The following CDAN1 variants were observed in gnomAD, a reference collection of about 807,000 sequenced individuals.
CDAN1 encodes codanin-1.
In CDAN1, 107 loss-of-function variants were observed where a neutral mutation model predicts 139.8. The observed-to-expected ratio is 0.77, with a 90% confidence interval of 0.65 to 0.90. CDAN1 has a LOEUF of 0.90. Among genes scored for constraint, CDAN1 ranks in the 40% least tolerant of loss-of-function variants. The pLI is 0.00. For synonymous variants in CDAN1, 776 were observed against 660.6 expected, an observed-to-expected ratio of 1.17 and a Z score of -2.68; for missense variants, 1,667 against 1,575.7, an observed-to-expected ratio of 1.06 and a Z score of -0.98.
chr15:42,725,419 A>ATAGT, intron 26 of CDAN1, 70 bp downstream of exon 26: 1 of 1,585,340 alleles, frequency 6.3e-7, no homozygotes, highest in Non-Finnish European at 8.7e-7. Context: ...AGAGCAGCTC[A>ATAGT]TAGTTTGGGG....
chr15:42,734,332 AG>A lies in CDAN1; in HGVS notation c.1150del (p.Leu384TrpfsTer6). 1 of 1,614,140 alleles carries A rather than the reference AG, an allele frequency of 6.2e-7. No individual in the cohort carries two copies. The highest frequency in any genetic ancestry group is 8.5e-7 in the Non-Finnish European group (1 of 1,180,024). ...LECHFQVLSN[L>X]DKGTLKLLAE... Reference sequence around the variant, plus strand: ...CAGCAGCTTCAAGGTCCCTTTGTCCAGGTTGGAAAGAACCCTGCAGGGACAA... The same window carrying A: ...CAGCAGCTTCAAGGTCCCTTTGTCCAGTTGGAAAGAACCCTGCAGGGACAA... On this transcript the variant is annotated frameshift_variant, in exon 7 of 28. Transcript: ENST00000356231. LOFTEE classifies it high-confidence loss of function.
intron 27 of CDAN1, 184 bp downstream of exon 27, chr15:42,724,960 G>C: frequency 7.5e-6 from 5 of 668,748 alleles, no homozygotes; most frequent in South Asian, 1.7e-5. Context: ...CCTGCCTTTC[G>C]TCCGTCTTCC....
In CDAN1 at chr15:42,726,409, G is replaced by T. The variant is rs371822328; in HGVS notation, c.3105C>A (p.Leu1035=). The change falls in exon 24 of 28, where the codon CTC becomes CTA. Residue 1035 remains leucine, a synonymous_variant. Coordinates refer to ENST00000356231, the MANE Select transcript of CDAN1 (RefSeq NM_138477.4). ...SHLISEIKDV[L]SLAVGPRDPD... ...GGTCCCGTGGCCCCACGGCCAAGGA[G>T]AGCACGTCCTGTGAAGAGCAGGGGG... The T allele has an allele frequency of 2.8e-4, 444 of 1,593,098 alleles. No individual in the cohort carries two copies. Among genetic ancestry groups the T allele is most frequent in the Non-Finnish European group, 3.7e-4 (429 of 1,169,916 alleles).
chr15:42,736,369 C>A lies in CDAN1; in HGVS notation c.502G>T (p.Asp168Tyr). 6.2e-7 allele frequency: 1 copy of A among 1,613,802 alleles called. No individual in the cohort carries two copies. Among genetic ancestry groups the A allele is most frequent in the Non-Finnish European group, 8.5e-7 (1 of 1,179,988 alleles). Residue 168 changes from aspartate (D) to tyrosine (Y), a missense_variant, in exon 2 of 28, where the codon GAT becomes TAT. Around this residue, in one of 3 missense-constraint regions of CDAN1, gnomAD observed 487 missense variants for 422.2 expected, o/e 1.15. Transcript: ENST00000356231. ...TCCAGGTTGCTGAGGTTTGGCGGAT[C>A]AGACAGCGTGAGGCTGGGGCGGCTG... ...SPSRPSLTLS[D>Y]PPNLSNLEEF... is the part of the protein sequence containing the mutation.
Position 42,731,063 on chromosome 15 carries a change from C to A in CDAN1, c.1869G>T (p.Arg623=). The change falls in exon 13 of 28, where the codon CGG becomes CGT. Residue 623 remains arginine, a synonymous_variant. Coordinates refer to ENST00000356231, the MANE Select transcript of CDAN1 (RefSeq NM_138477.4). ...TAAGAAGCACCACAGCAAATTGCTTCCGCTCACCCTGCATGGAATCAAGGG... is the reference window on the plus strand; with the variant it reads ...TAAGAAGCACCACAGCAAATTGCTTACGCTCACCCTGCATGGAATCAAGGG... ...GESDVDWQGE[R]KQFAVVLLSL... 3 of 1,614,228 alleles carry A rather than the reference C, an allele frequency of 1.9e-6. No individual in the cohort carries two copies. Among genetic ancestry groups the A allele is most frequent in the Non-Finnish European group, 2.5e-6 (3 of 1,180,050 alleles).
intron 13 of CDAN1, 50 bp from the exon 14 acceptor site, chr15:42,730,814 G>C: frequency 6.2e-7 from 1 of 1,612,942 alleles, no homozygotes; most frequent in Non-Finnish European, 8.5e-7. Context: ...GAAGGGCTGG[G>C]AGATGCCCTT....
intron 3 of CDAN1, 82 bp downstream of exon 3, chr15:42,735,793 G>C: frequency 6.3e-7 from 1 of 1,590,878 alleles, no homozygotes; most frequent in Admixed American, 1.7e-5. Context: ...GAGTCCCCAA[G>C]AGGGAAATCA....
chr15:42,728,762 T>C lies in CDAN1; in HGVS notation c.2694A>G (p.Gln898=), dbSNP rs2061566801. 1 of 1,614,054 alleles carries C rather than the reference T, an allele frequency of 6.2e-7. No individual in the cohort carries two copies. Among genetic ancestry groups the C allele is most frequent in the African/African-American group, 1.3e-5 (1 of 74,900 alleles). ...CCTCTCCCTGTGTCACCAGCTGCTC[T>C]TGGAGAAGTGACTCTGCCTGGCGCA... ...DLVRQAESLL[Q]EQLVTQGEEG... The change falls in exon 20 of 28, where the codon CAA becomes CAG. Residue 898 remains glutamine, a synonymous_variant. Transcript: ENST00000356231.
At chr15:42,728,148 C>A in intron 21 of CDAN1, 56 bp downstream of exon 21, 1 of 1,600,094 alleles carries the variant, frequency 6.2e-7, no homozygotes, top group Non-Finnish European at 8.6e-7. Flanking sequence ...CAGACTACTC[C>A]GTGCACCTCC....
At position 42,729,131 on chromosome 15, in the gene CDAN1, G is replaced by T. The variant is rs192963818; in HGVS notation, c.2542-5C>A. Reference sequence around the variant, plus strand: ...AAAGGCCTGGGCGAGCTGTGCCTGGGGGGAGGAGGGAGAGGCAGCAAGGCT... The same window carrying T: ...AAAGGCCTGGGCGAGCTGTGCCTGGTGGGAGGAGGGAGAGGCAGCAAGGCT... On this transcript the variant is annotated splice_polypyrimidine_tract_variant and splice_region_variant and intron_variant, in intron 18 of 27. Coordinates refer to ENST00000356231, the MANE Select transcript of CDAN1 (RefSeq NM_138477.4). 4.3e-6 allele frequency: 7 copies of T among 1,614,122 alleles called. No homozygotes were observed. Among genetic ancestry groups the T allele is most frequent in the African/African-American group, 1.3e-5 (1 of 75,036 alleles).
chr15:42,730,242 G>A, intron 14 of CDAN1, 27 bp from the exon 15 acceptor site: 2 of 1,600,614 alleles, frequency 1.2e-6, no homozygotes, highest in Non-Finnish European at 1.7e-6. Flanking sequence ...CAGTACACGG[G>A]TTTGAGCAGA....
chr15:42,732,266 A>G, intron 10 of CDAN1, 67 bp downstream of exon 10: 2 of 1,446,306 alleles, frequency 1.4e-6, no homozygotes, highest in Non-Finnish European at 1.9e-6. Context: ...CCCAAAGTGC[A>G]GCCGTTAAGT....
rs774076440 is a variant in CDAN1 at position 42,730,779 on chromosome 15, G to A, written c.2008-15C>T. The A allele has an allele frequency of 4.8e-5, 77 of 1,612,530 alleles. No homozygotes were observed. The highest frequency in any genetic ancestry group is 5.6e-5 in the Non-Finnish European group (66 of 1,179,188). On this transcript the variant is annotated splice_polypyrimidine_tract_variant and intron_variant, in intron 13 of 27. Coordinates refer to ENST00000356231, the MANE Select transcript of CDAN1 (RefSeq NM_138477.4). ...ACCGGAGGGACCTGGGAGGGCCAGA[G>A]CTCAGTCAGGGGGCAGGTCCCTAGG...
chr15:42,725,361 A>G (rs1483225852), intron 26 of CDAN1, 110 bp from the exon 27 acceptor site: 1 of 1,467,388 alleles, frequency 6.8e-7, no homozygotes, highest in African/African-American at 1.4e-5. Context: ...TGAGATGGAT[A>G]AATGGAGCCC....
chr15:42,725,767 C>T lies in CDAN1; in HGVS notation c.3269-97G>A, dbSNP rs1210688566. The T allele has an allele frequency of 3.1e-6, 4 of 1,295,502 alleles. No individual in the cohort carries two copies. In the African/African-American group the frequency reaches 4.4e-5, roughly 14 times the overall value. The allele number at this position is 1,295,502 out of a possible 1,614,324, so 80.3% of individuals were successfully genotyped here. A position where few individuals can be genotyped will look rare whatever the true frequency, so the allele number is the denominator to read the frequency against. On this transcript the variant is annotated intron_variant, in intron 25 of 27. Coordinates refer to ENST00000356231, the MANE Select transcript of CDAN1 (RefSeq NM_138477.4). ...CAACACTTCGGGAGGCTGAGGTGGG[C>T]AGATCAGGGGTTCGAGACCAGTCTG...
rs954279547 is a variant in CDAN1 at position 42,730,031 on chromosome 15, G to A, written c.2262+97C>T. On this transcript the variant is annotated intron_variant, in intron 15 of 27. Transcript: ENST00000356231. ...ATCCCCAGGCCTTTCCTGAACCTTC[G>A]TCTTCCAGCCCTTGCCTCATTCGCA... 30 of 1,339,124 alleles carry A rather than the reference G, an allele frequency of 2.2e-5. 1 individual carries two copies. Among genetic ancestry groups the A allele is most frequent in the African/African-American group, 1.2e-4 (8 of 68,536 alleles). The allele number at this position is 1,339,124 out of a possible 1,614,324, so 83.0% of individuals were successfully genotyped here.
rs2061532446 is a variant in CDAN1, at chr15:42,726,554, C to T, written c.3097-137G>A. 1.8e-5 allele frequency: 12 copies of T among 683,534 alleles called. No individual in the cohort carries two copies. In the South Asian group the frequency reaches 2.1e-4, roughly 12 times the overall value. 42.3% of individuals were successfully genotyped at this position (683,534 alleles called of 1,614,324 possible). A position where few individuals can be genotyped will look rare whatever the true frequency, so the allele number is the denominator to read the frequency against. The stretch of plus-strand genomic sequence containing the variant: ...GATATGGTGAGTAAAGCCAAGTTGC[C>T]CCTAGACCTGGGACTTGGGCAGGAT... On this transcript the variant is annotated intron_variant, in intron 23 of 27. Transcript: ENST00000356231.
At chr15:42,729,676 AAGC>A in intron 16 of CDAN1, 54 bp from the exon 17 acceptor site, 2 of 1,607,294 alleles carry the variant, frequency 1.2e-6, no homozygotes, top group Non-Finnish European at 1.7e-6. Flanking sequence ...CGCACCCAGA[AAGC>A]AGGCAGTTGG....
chr15:42,725,007 C>T (rs2061503752), intron 27 of CDAN1, 137 bp downstream of exon 27: 5 of 752,836 alleles, frequency 6.6e-6, no homozygotes, highest in South Asian at 4.5e-5. Context: ...CTACTCAAAT[C>T]GGGACAATTT....
Sources: allele counts gnomAD v4.1 joint callset, GRCh38; gene constraint gnomAD v4.1.1; regional missense constraint gnomAD v4.1.1; transcripts MANE v1.5; gene names NCBI Gene and HGNC (gene_info 2026-07-23, HGNC 2026-07-21).